The following CENPP variants were observed in gnomAD, a reference collection of about 807,000 sequenced individuals.
CENPP encodes centromere protein P.
A neutral mutation model predicts 35.6 loss-of-function variants in CENPP; 24 were observed. The observed-to-expected ratio is 0.67, with a 90% CI of 0.49 to 0.95. The LOEUF (loss-of-function observed/expected upper bound fraction) is 0.95, where lower values mean the gene tolerates loss of function less well. Among genes scored for constraint, CENPP ranks in the 40% least tolerant of loss-of-function variants. The pLI, the probability that CENPP is intolerant of heterozygous loss-of-function variation, is 0.00. For missense variants in CENPP, 332 were observed against 345.3 expected (o/e 0.96, Z 0.31); for synonymous variants, 120 against 125.5 (o/e 0.96, Z 0.29).
rs201745324 is a variant in CENPP, at chr9:92,500,847, T to C, written c.565-110467T>C. The C allele has an allele frequency of 1.6e-4, 257 of 1,614,054 alleles. No individual in the cohort carries two copies. The highest frequency in any genetic ancestry group is 2.0e-4 in the Non-Finnish European group (231 of 1,180,042). On this transcript the variant is annotated intron_variant, in intron 5 of 7. Transcript: ENST00000375587. ...TTCTCTCAGAGAATGATATGCCCCA[T>C]AGAAGGAGACACGGTCCATGCCATC...
chr9:92,619,005 G>A lies in CENPP; in HGVS notation c.*5856G>A, dbSNP rs956678665. ...CAAAACTAGTGACATTAGGGAGAGG[G>A]GCGGCACATAGGCTGGTTATTCAGA... On this transcript the variant is annotated 3_prime_UTR_variant, in exon 8 of 8. Transcript: ENST00000375587. The A allele has an allele frequency of 4.1e-6, 1 of 244,330 alleles. No individual in the cohort carries two copies. The highest frequency in any genetic ancestry group is 8.1e-6 in the Non-Finnish European group (1 of 123,784). 15.1% of individuals were successfully genotyped at this position (244,330 alleles called of 1,614,324 possible).
chr9:92,617,683 G>T lies in CENPP; in HGVS notation c.*4534G>T, dbSNP rs190631190. 7.3e-4 allele frequency: 114 copies of T among 156,292 alleles called. No individual in the cohort carries two copies. Among genetic ancestry groups the T allele is most frequent in the Non-Finnish European group, 1.3e-3 (90 of 70,694 alleles). The allele number at this position is 156,292 out of a possible 1,614,324, so 9.7% of individuals were successfully genotyped here. On this transcript the variant is annotated 3_prime_UTR_variant, in exon 8 of 8. Coordinates refer to ENST00000375587, the MANE Select transcript of CENPP (RefSeq NM_001012267.3). The stretch of plus-strand genomic sequence containing the variant: ...ACACTGACCCGCTGGGGGTTACCGG[G>T]GGACCAGCAGCCTCCAAGGGTGCTG...
chr9:92,366,798 A>T (rs1414271561), intron 4 of CENPP, among the ~76,000 whole-genome samples: 1 of 152,198 alleles, frequency 6.6e-6, no homozygotes, highest in East Asian at 1.9e-4. Context: ...GTTTGAGAGG[A>T]TCACGATTCA....
intron 5 of CENPP, among the ~76,000 whole-genome samples, chr9:92,546,373 G>C (rs1038488515): frequency 6.6e-6 from 1 of 152,150 alleles, no homozygotes; most frequent in African/African-American, 2.4e-5. Flanking sequence ...TTTGCTCTTT[G>C]CAATAAATCT....
chr9:92,511,556 TG>T (rs1847346197), intron 5 of CENPP, among the ~76,000 whole-genome samples: 2 of 152,126 alleles, frequency 1.3e-5, no homozygotes, highest in South Asian at 4.1e-4. Flanking sequence ...TGAGCCTATT[TG>T]TTTTTCCAGA....
In CENPP at chr9:92,385,645, C is replaced by A. The variant is rs1468477446; in HGVS notation, c.564+5786C>A. On this transcript the variant is annotated intron_variant, in intron 5 of 7. Transcript: ENST00000375587. ...TTAAAAGTATGACCCTATCGGTAATCTTTTTAAGCAAATAAAACTGTTTGG... is the reference window on the plus strand; with the variant it reads ...TTAAAAGTATGACCCTATCGGTAATATTTTTAAGCAAATAAAACTGTTTGG... The A allele has an allele frequency of 3.1e-6, 5 of 1,614,086 alleles. No homozygotes were observed. In the South Asian group the frequency reaches 4.4e-5, roughly 14 times the overall value.
Position 92,466,289 on chromosome 9 carries a change from A to G in CENPP, c.564+86430A>G, listed in dbSNP as rs928817053. 4.9e-5 allele frequency: 50 copies of G among 1,018,496 alleles called. No individual in the cohort carries two copies. The Admixed American group carries it at 1.1e-3, about 22-fold the overall frequency. The allele number at this position is 1,018,496 out of a possible 1,614,324, so 63.1% of individuals were successfully genotyped here. A position where few individuals can be genotyped will look rare whatever the true frequency, so the allele number is the denominator to read the frequency against. On this transcript the variant is annotated intron_variant, in intron 5 of 7. Coordinates refer to ENST00000375587, the MANE Select transcript of CENPP (RefSeq NM_001012267.3). ...ATTTTGGAAATTATTCTTAATAGTGACGATAAAGTGTTCTACATCTGCTTG... is the reference window on the plus strand; with the variant it reads ...ATTTTGGAAATTATTCTTAATAGTGGCGATAAAGTGTTCTACATCTGCTTG...
chr9:92,547,200 A>C (rs1167356466), intron 5 of CENPP, among the ~76,000 whole-genome samples: 2 of 152,222 alleles, frequency 1.3e-5, no homozygotes, highest in East Asian at 3.8e-4. Flanking sequence ...GTGTTTTAAA[A>C]AGAATAAAGA....
intron 5 of CENPP, among the ~76,000 whole-genome samples, chr9:92,425,024 A>G (rs1054664161): frequency 6.6e-6 from 1 of 152,254 alleles, no homozygotes; most frequent in Non-Finnish European, 1.5e-5. Flanking sequence ...ACCTAGGTTC[A>G]TATCAGTACT....
chr9:92,436,660 T>G (rs1844252695), intron 5 of CENPP, among the ~76,000 whole-genome samples: 1 of 152,322 alleles, frequency 6.6e-6, no homozygotes, highest in Non-Finnish European at 1.5e-5. Flanking sequence ...CAGTAATTGC[T>G]TTGGTGCCTA....
At chr9:92,583,420 A>G (rs150867639) in intron 5 of CENPP, among the ~76,000 whole-genome samples, 1 of 152,170 alleles carries the variant, frequency 6.6e-6, no homozygotes. Context: ...CTTTGTACCT[A>G]TTAATCTGTC....
At chr9:92,604,628 C>T (rs1332546860) in intron 5 of CENPP, among the ~76,000 whole-genome samples, 1 of 152,130 alleles carries the variant, frequency 6.6e-6, no homozygotes, top group African/African-American at 2.4e-5. Flanking sequence ...GAGTTTTGCT[C>T]TTGTTGCCTA....
intron 5 of CENPP, among the ~76,000 whole-genome samples, chr9:92,431,927 A>T (rs1051311355): frequency 7.9e-5 from 12 of 152,120 alleles, no homozygotes; most frequent in African/African-American, 2.9e-4. Flanking sequence ...CAAGTTCATT[A>T]TATCTCATAG....
At chr9:92,354,075 C>A (rs1047175944) in intron 4 of CENPP, among the ~76,000 whole-genome samples, 1 of 152,124 alleles carries the variant, frequency 6.6e-6, no homozygotes, top group Admixed American at 6.5e-5. Context: ...CTTCTTTAGC[C>A]GTAAAGTGAG....
At chr9:92,351,370 C>T (rs1294330850) in intron 4 of CENPP, among the ~76,000 whole-genome samples, 1 of 151,380 alleles carries the variant, frequency 6.6e-6, no homozygotes, top group Non-Finnish European at 1.5e-5. Flanking sequence ...GTCCCAGCTA[C>T]TTGGGAGGCT....
At chr9:92,532,042 T>TTTTTTTTTTTTTTTTTA (rs1563990376) in intron 5 of CENPP, among the ~76,000 whole-genome samples, 1 of 144,554 alleles carries the variant, frequency 6.9e-6, no homozygotes, top group African/African-American at 2.7e-5. Flanking sequence ...TTATTTTTTT[T>TTTTTTTTTTTTTTTTTA]TTGAGATGAG....
intron 4 of CENPP, among the ~76,000 whole-genome samples, chr9:92,355,486 A>G (rs1335690894): frequency 6.6e-6 from 1 of 152,216 alleles, no homozygotes; most frequent in Non-Finnish European, 1.5e-5. Context: ...AGCTGCAAAA[A>G]TAATGACATG....
chr9:92,404,185 C>T (rs916523773), intron 5 of CENPP, among the ~76,000 whole-genome samples: 2 of 152,092 alleles, frequency 1.3e-5, no homozygotes. Context: ...GTACACATTT[C>T]AGACTTTTTC....
At chr9:92,602,697 T>C (rs1223097330) in intron 5 of CENPP, among the ~76,000 whole-genome samples, 1 of 152,136 alleles carries the variant, frequency 6.6e-6, no homozygotes, top group Non-Finnish European at 1.5e-5. Flanking sequence ...AAAAACCCTG[T>C]GTGTGTCCAG....
Sources: allele counts gnomAD v4.1 joint callset (sites outside exome capture counted in the v4.1 genomes callset), GRCh38; gene constraint gnomAD v4.1.1; transcripts MANE v1.5; gene names NCBI Gene and HGNC (gene_info 2026-07-23, HGNC 2026-07-21).